ERG: variants seen among roughly 807,000 people sequenced by gnomAD.
ERG encodes transcriptional regulator ERG.
In ERG, 9 loss-of-function variants were observed where a neutral mutation model predicts 55.3. The ratio of observed to expected loss-of-function variants is 0.16; its 90% CI spans 0.10 to 0.28. ERG has a LOEUF of 0.28. Among genes scored for constraint, ERG ranks in the 10% least tolerant of loss-of-function variants. The pLI is 1.00. For missense variants in ERG, 434 were observed against 631.6 expected (o/e 0.69, Z 3.35); for synonymous variants, 223 against 237.3 (o/e 0.94, Z 0.55).
intron 1 of ERG, among the ~76,000 whole-genome samples, chr21:38,631,540 C>T (rs1454183196): frequency 1.3e-5 from 2 of 152,102 alleles, no homozygotes; most frequent in Non-Finnish European, 1.5e-5. Context: ...ATAGCCTTCC[C>T]GTCCTTTAAG....
intron 3 of ERG, among the ~76,000 whole-genome samples, chr21:38,407,128 A>T (rs1988810000): frequency 6.6e-6 from 1 of 152,218 alleles, no homozygotes; most frequent in South Asian, 2.1e-4. Flanking sequence ...CTGGCTTAAA[A>T]ATTCCATTTC....
At chr21:38,642,351 A>C (rs1001052812) in intron 1 of ERG, among the ~76,000 whole-genome samples, 4 of 152,254 alleles carry the variant, frequency 2.6e-5, no homozygotes, top group East Asian at 1.9e-4. Flanking sequence ...CTGTATGCTC[A>C]CGGTAAACAA....
intron 1 of ERG, among the ~76,000 whole-genome samples, chr21:38,580,402 C>T (rs1978721248): frequency 6.6e-6 from 1 of 152,186 alleles, no homozygotes; most frequent in Admixed American, 6.5e-5. Flanking sequence ...ACCAAACAAA[C>T]TAAAACCATA....
At chr21:38,575,570 G>A (rs2059989678) in intron 2 of ERG, 1 of 899,986 alleles carries the variant, frequency 1.1e-6, no homozygotes, top group Admixed American at 1.8e-5. Context: ...TGTGTTGACT[G>A]ACCCCTAATT....
chr21:38,625,841 T>C (rs1400549384), intron 1 of ERG, among the ~76,000 whole-genome samples: 2 of 152,086 alleles, frequency 1.3e-5, no homozygotes, highest in Non-Finnish European at 2.9e-5. Flanking sequence ...TGGTGCGTAT[T>C]TAGAATAATC....
intron 1 of ERG, among the ~76,000 whole-genome samples, chr21:38,617,402 C>T (rs1433008989): frequency 6.6e-6 from 1 of 152,184 alleles, no homozygotes; most frequent in Non-Finnish European, 1.5e-5. Context: ...CCCTTAACCA[C>T]ATGGAAAGGG....
At chr21:38,591,122 G>A (rs1174935267) in intron 1 of ERG, among the ~76,000 whole-genome samples, 1 of 152,134 alleles carries the variant, frequency 6.6e-6, no homozygotes, top group Non-Finnish European at 1.5e-5. Context: ...GAGGAAACTA[G>A]GAAAGATCTA....
At chr21:38,523,236 G>C (rs960125077) in intron 2 of ERG, among the ~76,000 whole-genome samples, 1 of 152,202 alleles carries the variant, frequency 6.6e-6, no homozygotes, top group African/African-American at 2.4e-5. Flanking sequence ...TATCCTGCCT[G>C]TGTTTTCTAA....
chr21:38,480,800 T>C (rs958904603), intron 1 of ERG, among the ~76,000 whole-genome samples: 6 of 152,068 alleles, frequency 3.9e-5, no homozygotes, highest in African/African-American at 1.4e-4. Flanking sequence ...CTGGCTCTTA[T>C]CCCACTGGAG....
In ERG at chr21:38,381,780, G is replaced by C; in HGVS notation, c.*1623C>G. 9.4e-7 allele frequency: 1 copy of C among 1,063,564 alleles called. No homozygotes were observed. Among genetic ancestry groups the C allele is most frequent in the Non-Finnish European group, 1.1e-6 (1 of 878,262 alleles). 65.9% of individuals were successfully genotyped at this position (1,063,564 alleles called of 1,614,324 possible). ...TTTCCATTCCAGGCATAAATATGGA[G>C]GCTCCAATGTGAAACCCGGGGTCCT... On this transcript the variant is annotated 3_prime_UTR_variant, in exon 10 of 10. Coordinates refer to ENST00000288319, the MANE Select transcript of ERG (RefSeq NM_182918.4).
chr21:38,526,756 G>A, intron 2 of ERG, among the ~76,000 whole-genome samples: 1 of 151,950 alleles, frequency 6.6e-6, no homozygotes, highest in Admixed American at 6.6e-5. Context: ...ATGTCCACCT[G>A]GATTAACGTT....
At chr21:38,393,252 A>T (rs1247356689) in intron 6 of ERG, among the ~76,000 whole-genome samples, 2 of 152,246 alleles carry the variant, frequency 1.3e-5, no homozygotes, top group African/African-American at 4.8e-5. Flanking sequence ...AAATTTAATA[A>T]CTATACTTCT....
intron 1 of ERG, among the ~76,000 whole-genome samples, chr21:38,463,426 A>C (rs886644479): frequency 6.6e-6 from 1 of 152,204 alleles, no homozygotes; most frequent in Non-Finnish European, 1.5e-5. Context: ...CTGGGGGAAT[A>C]CTGGCTCCAT....
chr21:38,429,852 C>T (rs1990122954), intron 2 of ERG, among the ~76,000 whole-genome samples: 1 of 152,086 alleles, frequency 6.6e-6, no homozygotes, highest in African/African-American at 2.4e-5. Flanking sequence ...TATAAACATG[C>T]ATGCGCAAGT....
intron 2 of ERG, among the ~76,000 whole-genome samples, chr21:38,431,958 TGGAA>T (rs1990234311): frequency 6.6e-6 from 1 of 152,062 alleles, no homozygotes; most frequent in Admixed American, 6.5e-5. Flanking sequence ...TGGCTGCCAT[TGGAA>T]AGATCAGACC....
chr21:38,589,103 C>A (rs147373927), upstream of ERG, among the ~76,000 whole-genome samples: 5 of 152,162 alleles, frequency 3.3e-5, no homozygotes, highest in Non-Finnish European at 5.9e-5. Context: ...CCATTCTCTA[C>A]GCACAGATCT....
intron 1 of ERG, among the ~76,000 whole-genome samples, chr21:38,628,245 C>A (rs1408246866): frequency 6.6e-6 from 1 of 152,224 alleles, no homozygotes; most frequent in Admixed American, 6.5e-5. Context: ...CCACCATACA[C>A]AGCCTGCTTT....
chr21:38,648,309 G>C (rs537409067), intron 1 of ERG, among the ~76,000 whole-genome samples: 2 of 152,132 alleles, frequency 1.3e-5, no homozygotes, highest in Non-Finnish European at 2.9e-5. Flanking sequence ...TTTCAAATGG[G>C]GCCGCGATGC....
At chr21:38,612,073 C>A (rs531215160) in intron 1 of ERG, among the ~76,000 whole-genome samples, 1 of 152,110 alleles carries the variant, frequency 6.6e-6, no homozygotes, top group African/African-American at 2.4e-5. Flanking sequence ...AGGAAGAATG[C>A]GGGTGACATT....
Sources: gnomAD v4.1 joint callset for allele counts (sites outside exome capture counted in the v4.1 genomes callset) on GRCh38, gnomAD v4.1.1 for gene constraint, MANE v1.5 for transcripts, NCBI Gene and HGNC (gene_info 2026-07-23, HGNC 2026-07-21) for gene names.